Variants in TNRC18 observed in about 807,000 individuals in gnomAD.
TNRC18 encodes the protein trinucleotide repeat-containing gene 18 protein.
A neutral mutation model predicts 226.7 loss-of-function variants in TNRC18; 69 were observed. The ratio of observed to expected loss-of-function variants is 0.30; its 90% CI spans 0.25 to 0.37. The LOEUF (loss-of-function observed/expected upper bound fraction) is 0.37. Ranked by LOEUF, TNRC18 falls within the 10% of genes least tolerant of loss-of-function variation. The pLI is 1.00. For synonymous variants in TNRC18, 2,449 were observed against 1,927.6 expected (o/e 1.27, Z -7.09); for missense variants, 4,754 against 4,256.6 (o/e 1.12, Z -3.25).
Position 5,362,796 on chromosome 7 carries a change from A to T in TNRC18, c.4249T>A (p.Ser1417Thr). The change falls in exon 12 of 30, where the codon TCC (serine) becomes ACC (threonine). Residue 1417 changes from serine (S) to threonine (T), a missense_variant. Ser to Thr is a moderately conservative substitution (Grantham distance 58, BLOSUM62 1). Coordinates refer to ENST00000430969, the MANE Select transcript of TNRC18 (RefSeq NM_001080495.3). ...CCAGCTGCCAGCAGACTCTCCAGGG[A>T]GGGCCGCGCCACCAGGGCCCGCTCC... is the stretch of plus-strand genomic sequence containing the variant. ...GAERALVARP[S>T]LESLLAAGSH... The T allele has an allele frequency of 6.4e-7, 1 of 1,568,534 alleles. No homozygotes were observed. The highest frequency in any genetic ancestry group is 8.6e-7 in the Non-Finnish European group (1 of 1,157,470).
chr7:5,346,981 G>C (rs546210546), intron 17 of TNRC18, among the ~76,000 whole-genome samples: 2 of 152,184 alleles, frequency 1.3e-5, no homozygotes, highest in South Asian at 4.1e-4. Context: ...GGTAGACTGA[G>C]GCCCAATGGG....
At chr7:5,308,774 T>TG in intron 29 of TNRC18, 101 bp downstream of exon 29, 1 of 1,325,112 alleles carries the variant, frequency 7.5e-7, no homozygotes, top group East Asian at 2.5e-5. Flanking sequence ...AGGGAGACCA[T>TG]GGGGGACAGA....
chr7:5,341,022 TG>T (rs1790631124), intron 18 of TNRC18, among the ~76,000 whole-genome samples: 1 of 152,110 alleles, frequency 6.6e-6, no homozygotes, highest in African/African-American at 2.4e-5. Flanking sequence ...CTAATGCAGC[TG>T]GGGACTTTTA....
Position 5,345,797 on chromosome 7 carries a change from C to T in TNRC18, c.5484G>A (p.Glu1828=). Residue 1828 remains glutamate (E), a synonymous_variant, in exon 18 of 30, where the codon GAG becomes GAA. Transcript: ENST00000430969. ...CGAGCTCCTCCTCCTCGTCCTCCTCCTCCGAGCTCTCATCTGGCGTGCAGA... is the reference window on the plus strand; with the variant it reads ...CGAGCTCCTCCTCCTCGTCCTCCTCTTCCGAGCTCTCATCTGGCGTGCAGA... ...EESFDQDESS[E]EEDEEEELEE... is the part of the protein sequence containing the mutation. 1 of 1,544,002 alleles carries T rather than the reference C, an allele frequency of 6.5e-7. No individual in the cohort carries two copies. The highest frequency in any genetic ancestry group is 8.7e-7 in the Non-Finnish European group (1 of 1,146,664).
chr7:5,422,089 G>A (rs1355755522), intron 1 of TNRC18, among the ~76,000 whole-genome samples: 3 of 152,080 alleles, frequency 2.0e-5, no homozygotes, highest in Non-Finnish European at 2.9e-5. Flanking sequence ...AAAGAGGCTC[G>A]TGGTCCCCCC....
At position 5,389,184 on chromosome 7, in the gene TNRC18, C is replaced by A; in HGVS notation, c.640G>T (p.Gly214Trp). 7.6e-7 allele frequency: 1 copy of A among 1,316,448 alleles called. No homozygotes were observed. The allele number at this position is 1,316,448 out of a possible 1,614,324, so 81.5% of individuals were successfully genotyped here. Residue 214 changes from glycine (G) to tryptophan (W), a missense_variant, in exon 5 of 30, where the codon GGG becomes TGG. Coordinates refer to ENST00000430969, the MANE Select transcript of TNRC18 (RefSeq NM_001080495.3). ...TTGCCGAAAAGCGGAGGCGGCTCCC[C>A]GCCGCGGCCCGCCCGCTCCTTGGCT... is the stretch of plus-strand genomic sequence containing the variant. ...GPAKERAGRG[G>W]EPPPLFGKKD...
In TNRC18 at chr7:5,378,009, T is replaced by C. The variant is rs1779126281; in HGVS notation, c.2168A>G (p.Asp723Gly). 4 of 1,611,382 alleles carry C rather than the reference T, an allele frequency of 2.5e-6. No homozygotes were observed. Among genetic ancestry groups the C allele is most frequent in the African/African-American group, 1.3e-5 (1 of 74,842 alleles). The change falls in exon 6 of 30, where the codon GAT becomes GGT. Residue 723 changes from aspartate (D) to glycine (G), a missense_variant. Physicochemically the swap from Asp to Gly is moderately conservative, Grantham distance 94. Coordinates refer to ENST00000430969, the MANE Select transcript of TNRC18 (RefSeq NM_001080495.3). ...LSNVKGHGRA[D>G]EDCVDDRARH... ...GGCCCGGTCGTCCACACAGTCCTCA[T>C]CTGCTCGGCCGTGCCCTGCAGGGGG...
rs1296448688 is a variant in TNRC18 at position 5,421,374 on chromosome 7, G to A, written c.-128C>T. ...CGGGGGCTCCGCGGCGTGCATGGCGGCGGCCAGCGGGGCTTGCGCTCGGCG... is the reference window on the plus strand; with the variant it reads ...CGGGGGCTCCGCGGCGTGCATGGCGACGGCCAGCGGGGCTTGCGCTCGGCG... On this transcript the variant is annotated 5_prime_UTR_variant, in exon 2 of 30. Coordinates refer to ENST00000430969, the MANE Select transcript of TNRC18 (RefSeq NM_001080495.3). 1.7e-5 allele frequency: 16 copies of A among 923,794 alleles called. No homozygotes were observed. The highest frequency in any genetic ancestry group is 2.2e-5 in the Non-Finnish European group (16 of 723,164). The allele number at this position is 923,794 out of a possible 1,614,324, so 57.2% of individuals were successfully genotyped here.
Position 5,336,206 on chromosome 7 carries a change from T to TA in TNRC18, c.5720-3158dup, listed in dbSNP as rs1194733009. Among the ~76,000 whole-genome samples the TA allele has an allele frequency of 3.1e-3, 372 of 120,264 alleles. 1 individual carries two copies. Among genetic ancestry groups the TA allele is most frequent in the Middle Eastern group, 9.5e-3 (2 of 210 alleles). The allele number at this position is 120,264 out of a possible 152,430, so 78.9% of individuals were successfully genotyped here. A position where few individuals can be genotyped will look rare whatever the true frequency, so the allele number is the denominator to read the frequency against. On this transcript the variant is annotated intron_variant, in intron 18 of 29. Coordinates refer to ENST00000430969, the MANE Select transcript of TNRC18 (RefSeq NM_001080495.3). ...TGGGCAACAGAGCGAGACTCTGTTT[T>TA]AAAAAAAAAAAAAAAAAATTACTAG...
intron 24 of TNRC18, among the ~76,000 whole-genome samples, chr7:5,316,274 C>CTCTTTTTTT (rs1405579367): frequency 1.2e-5 from 1 of 86,552 alleles, no homozygotes; most frequent in African/African-American, 4.7e-5. Flanking sequence ...AGAAATGGGT[C>CTCTTTTTTT]TTTTTTTTTT....
intron 2 of TNRC18, among the ~76,000 whole-genome samples, chr7:5,407,901 C>T (rs576290626): frequency 6.6e-6 from 1 of 152,150 alleles, no homozygotes; most frequent in African/African-American, 2.4e-5. Context: ...ACATCAGATG[C>T]CTCTTAGCAG....
At chr7:5,366,396 T>C (rs1454062150) in intron 11 of TNRC18, among the ~76,000 whole-genome samples, 1 of 133,480 alleles carries the variant, frequency 7.5e-6, no homozygotes, top group Admixed American at 8.1e-5. Context: ...TGACCAATCT[T>C]GGCTCATGCA....
At chr7:5,386,317 T>C (rs1469768586) in intron 5 of TNRC18, among the ~76,000 whole-genome samples, 1 of 148,900 alleles carries the variant, frequency 6.7e-6, no homozygotes, top group East Asian at 2.0e-4. Context: ...GTGACACAGG[T>C]AGGAGATTCA....
Position 5,370,751 on chromosome 7 carries a change from C to G in TNRC18, c.3843G>C (p.Gln1281His). The G allele has an allele frequency of 6.2e-7, 1 of 1,604,568 alleles. No homozygotes were observed. Among genetic ancestry groups the G allele is most frequent in the Non-Finnish European group, 8.5e-7 (1 of 1,176,316 alleles). Reference protein sequence around the residue: ...VEAVPEEGLAQVAPSESQPTL... With the variant: ...VEAVPEEGLAHVAPSESQPTL... Reference sequence around the variant, plus strand: ...TGGGCTGGGACTCGCTCGGTGCCACCTGCGCCAGGCCTTCCTCGGGCACTG... The same window carrying G: ...TGGGCTGGGACTCGCTCGGTGCCACGTGCGCCAGGCCTTCCTCGGGCACTG... The change falls in exon 11 of 30, where the codon CAG becomes CAC. Residue 1281 changes from glutamine to histidine, a missense_variant. Gln to His is a conservative substitution (Grantham distance 24). Coordinates refer to ENST00000430969, the MANE Select transcript of TNRC18 (RefSeq NM_001080495.3).
intron 17 of TNRC18, among the ~76,000 whole-genome samples, chr7:5,346,797 G>A (rs920123357): frequency 2.6e-5 from 4 of 152,334 alleles, no homozygotes; most frequent in African/African-American, 4.8e-5. Flanking sequence ...AGCCAAGGCC[G>A]GGGTCCAGAG....
chr7:5,311,589 G>C (rs1192475692), intron 27 of TNRC18, among the ~76,000 whole-genome samples: 2 of 152,038 alleles, frequency 1.3e-5, no homozygotes, highest in Non-Finnish European at 2.9e-5. Context: ...TGAGGCGGGA[G>C]GATCACTTGA....
chr7:5,388,866 G>A lies in TNRC18; in HGVS notation c.958C>T (p.Arg320Cys), dbSNP rs754849366. 2.4e-5 allele frequency: 31 copies of A among 1,284,362 alleles called. No individual in the cohort carries two copies. In the South Asian group the frequency reaches 3.7e-4, roughly 15 times the overall value. The allele number at this position is 1,284,362 out of a possible 1,614,324, so 79.6% of individuals were successfully genotyped here. A position where few individuals can be genotyped will look rare whatever the true frequency, so the allele number is the denominator to read the frequency against. ...RQDEGARLLR[R>C]TETLLPGPRP... ...GGCCCAGGGAGCAGGGTCTCCGTGC[G>A]CCGCAGCAGCCGCGCGCCCTCGTCC... is the stretch of plus-strand genomic sequence containing the variant. The change falls in exon 5 of 30, where the codon CGC (arginine) becomes TGC (cysteine). Residue 320 changes from arginine (R) to cysteine (C), a missense_variant. By Grantham distance (180) the Arg-to-Cys change is radical. Coordinates refer to ENST00000430969, the MANE Select transcript of TNRC18 (RefSeq NM_001080495.3).
At chr7:5,417,309 A>C (rs753741676) in intron 2 of TNRC18, among the ~76,000 whole-genome samples, 1 of 152,162 alleles carries the variant, frequency 6.6e-6, no homozygotes, top group Non-Finnish European at 1.5e-5. Flanking sequence ...CTCTACTAAA[A>C]AATACAAAAA....
intron 2 of TNRC18, among the ~76,000 whole-genome samples, chr7:5,415,081 C>A (rs1360235683): frequency 6.6e-6 from 1 of 152,164 alleles, no homozygotes; most frequent in South Asian, 2.1e-4. Context: ...CCTCCTCATT[C>A]CTCAGTTTAA....
Sources: gnomAD v4.1 joint callset for allele counts (sites outside exome capture counted in the v4.1 genomes callset) on GRCh38, gnomAD v4.1.1 for gene constraint, MANE v1.5 for transcripts, NCBI Gene and HGNC (gene_info 2026-07-23, HGNC 2026-07-21) for gene names.